PABPC4L: variants seen among roughly 807,000 people sequenced by gnomAD.
PABPC4L encodes polyadenylate-binding protein 4-like.
For synonymous variants in PABPC4L, 169 were observed against 164.1 expected (o/e 1.03, Z -0.23); for missense variants, 452 against 451.4 (o/e 1.00, Z -0.01).
the PABPC4L span, among the ~76,000 whole-genome samples, chr4:134,056,356 A>T: frequency 6.6e-6 from 1 of 151,996 alleles, no homozygotes. Flanking sequence ...AAAATAGTTT[A>T]TATCTATATC....
chr4:134,046,549 C>T, the PABPC4L span, among the ~76,000 whole-genome samples: 2 of 152,054 alleles, frequency 1.3e-5, no homozygotes. Flanking sequence ...ACTAATCCTC[C>T]TCAGCACAGA....
chr4:133,983,831 C>A, the PABPC4L span, among the ~76,000 whole-genome samples: 1 of 151,694 alleles, frequency 6.6e-6, no homozygotes, highest in Non-Finnish European at 1.5e-5. Flanking sequence ...AATAGTAATG[C>A]ATTTTCTGAA....
the PABPC4L span, among the ~76,000 whole-genome samples, chr4:133,971,015 A>G: frequency 6.6e-6 from 1 of 151,676 alleles, no homozygotes; most frequent in African/African-American, 2.4e-5. Context: ...ATCCATCATG[A>G]CCCAGTGACC....
chr4:133,995,333 G>A, the PABPC4L span, among the ~76,000 whole-genome samples: 1 of 152,214 alleles, frequency 6.6e-6, no homozygotes, highest in East Asian at 1.9e-4. Context: ...TTCACCTTAG[G>A]AGGCTTTAAT....
the PABPC4L span, among the ~76,000 whole-genome samples, chr4:134,178,349 T>A: frequency 8.5e-6 from 1 of 118,210 alleles, no homozygotes; most frequent in Non-Finnish European, 1.7e-5. Context: ...CTCAAGGGTA[T>A]TAAAAAAGAA....
At chr4:134,050,877 TTTA>T in the PABPC4L span, among the ~76,000 whole-genome samples, 12 of 63,662 alleles carry the variant, frequency 1.9e-4, no homozygotes, top group East Asian at 7.0e-3. Context: ...TATATTGACC[TTTA>T]TTTTTTTTTT....
chr4:134,019,615 A>T, the PABPC4L span, among the ~76,000 whole-genome samples: 1 of 152,142 alleles, frequency 6.6e-6, no homozygotes, highest in Non-Finnish European at 1.5e-5. Context: ...CATTACAAAA[A>T]CATATTAATA....
At chr4:134,035,808 A>G in the PABPC4L span, among the ~76,000 whole-genome samples, 3 of 151,974 alleles carry the variant, frequency 2.0e-5, no homozygotes, top group African/African-American at 7.2e-5. Flanking sequence ...TGCGTAATAG[A>G]TGTCATGTTT....
At chr4:134,171,044 G>C in the PABPC4L span, among the ~76,000 whole-genome samples, 1 of 152,178 alleles carries the variant, frequency 6.6e-6, no homozygotes, top group African/African-American at 2.4e-5. Context: ...GTGTGAGACG[G>C]TATCTCATTG....
At chr4:134,094,542 T>C in the PABPC4L span, among the ~76,000 whole-genome samples, 1 of 151,896 alleles carries the variant, frequency 6.6e-6, no homozygotes, top group Non-Finnish European at 1.5e-5. Context: ...TTTAATAACA[T>C]TAACTTTTTT....
At chr4:134,059,857 A>G in the PABPC4L span, among the ~76,000 whole-genome samples, 7 of 152,120 alleles carry the variant, frequency 4.6e-5, no homozygotes, top group Non-Finnish European at 8.8e-5. Context: ...AGCTATACAG[A>G]AAAAGCACTT....
chr4:133,950,143 C>G, the PABPC4L span, among the ~76,000 whole-genome samples: 1 of 152,008 alleles, frequency 6.6e-6, no homozygotes, highest in African/African-American at 2.4e-5. Context: ...TTAGCATCCT[C>G]GAGTTTAACT....
At chr4:133,968,461 C>A in the PABPC4L span, among the ~76,000 whole-genome samples, 1 of 152,144 alleles carries the variant, frequency 6.6e-6, no homozygotes, top group Non-Finnish European at 1.5e-5. Context: ...TCTAGGACGT[C>A]TTGGGGCTGA....
chr4:133,967,948 C>G, the PABPC4L span, among the ~76,000 whole-genome samples: 3 of 152,148 alleles, frequency 2.0e-5, no homozygotes, highest in South Asian at 6.2e-4. Flanking sequence ...AGAATACCCC[C>G]TTTCTCTGGC....
At chr4:134,019,203 A>G in the PABPC4L span, among the ~76,000 whole-genome samples, 46,593 of 152,030 alleles carry the variant, frequency 0.31, 7,525 homozygotes, top group Admixed American at 0.39. Flanking sequence ...CTAACTCATA[A>G]TTTCAATATT....
the PABPC4L span, among the ~76,000 whole-genome samples, chr4:134,111,261 A>G: frequency 6.6e-6 from 1 of 152,062 alleles, no homozygotes; most frequent in East Asian, 1.9e-4. Flanking sequence ...TCATTAGAGC[A>G]GAGCTCTGAT....
the PABPC4L span, among the ~76,000 whole-genome samples, chr4:134,006,573 C>G: frequency 1.3e-5 from 2 of 152,016 alleles, no homozygotes; most frequent in South Asian, 4.2e-4. Context: ...CTTGTGCCTA[C>G]AGCAAGGATG....
the PABPC4L span, among the ~76,000 whole-genome samples, chr4:134,167,654 A>T: frequency 6.6e-6 from 1 of 151,702 alleles, no homozygotes. Context: ...ATCACAAGAA[A>T]TAGACTTCAA....
chr4:133,979,276 C>T, the PABPC4L span, among the ~76,000 whole-genome samples: 1 of 152,040 alleles, frequency 6.6e-6, no homozygotes, highest in Non-Finnish European at 1.5e-5. Context: ...AATTTTTATG[C>T]AATTTACAGC....
Sources: gnomAD v4.1 joint callset for allele counts (sites outside exome capture counted in the v4.1 genomes callset) on GRCh38, gnomAD v4.1.1 for gene constraint, MANE v1.5 for transcripts, NCBI Gene and HGNC (gene_info 2026-07-23, HGNC 2026-07-21) for gene names.